Variants in TAFA1 observed in about 807,000 individuals in gnomAD.
The protein encoded by TAFA1 is TAFA chemokine like family member 1.
TAFA1 carries 4 observed loss-of-function variants against 18.5 expected under a neutral mutation model. The observed-to-expected ratio is 0.22, with a 90% CI of 0.11 to 0.49. The LOEUF is 0.49. TAFA1 is among the 20% of genes least tolerant of loss of function. The pLI, the probability that TAFA1 is intolerant of heterozygous loss-of-function variation, is 0.98. For synonymous variants in TAFA1, 56 were observed against 55.2 expected (o/e 1.01, Z -0.06); for missense variants, 147 against 169.0 (o/e 0.87, Z 0.72).
At chr3:68,068,719 T>G (rs1044929236) in intron 2 of TAFA1, among the ~76,000 whole-genome samples, 2 of 152,212 alleles carry the variant, frequency 1.3e-5, no homozygotes, top group Non-Finnish European at 2.9e-5. Context: ...GTAGCGTGGT[T>G]TGTCATCTCT....
chr3:68,264,741 T>TAAAGAAATTTATATTCTATAA (rs2067510080), intron 2 of TAFA1, among the ~76,000 whole-genome samples: 5 of 151,846 alleles, frequency 3.3e-5, no homozygotes, highest in African/African-American at 1.2e-4. Flanking sequence ...ATATTCTATA[T>TAAAGAAATTTATATTCTATAA]AATTTCTATA....
chr3:68,010,264 C>A (rs552078757), intron 2 of TAFA1, among the ~76,000 whole-genome samples: 1 of 152,260 alleles, frequency 6.6e-6, no homozygotes, highest in Admixed American at 6.5e-5. Context: ...TTTGGCTGTT[C>A]CTTGCATGGT....
At chr3:68,235,617 G>A (rs1179887794) in intron 2 of TAFA1, among the ~76,000 whole-genome samples, 7 of 152,016 alleles carry the variant, frequency 4.6e-5, no homozygotes, top group Admixed American at 2.6e-4. Context: ...CTCTGGAGGA[G>A]TCATTATGAT....
chr3:68,523,984 T>A (rs942453985), intron 3 of TAFA1, among the ~76,000 whole-genome samples: 6 of 152,244 alleles, frequency 3.9e-5, no homozygotes, highest in Non-Finnish European at 8.8e-5. Flanking sequence ...TGTATTCATC[T>A]TAAAAAGATA....
chr3:68,474,672 C>T (rs547899567), intron 3 of TAFA1, among the ~76,000 whole-genome samples: 22 of 152,186 alleles, frequency 1.4e-4, no homozygotes, highest in Non-Finnish European at 2.6e-4. Flanking sequence ...AATTATCTCT[C>T]TAACTATATT....
At chr3:68,315,352 C>T (rs1427622971) in intron 2 of TAFA1, among the ~76,000 whole-genome samples, 2 of 152,150 alleles carry the variant, frequency 1.3e-5, no homozygotes, top group Non-Finnish European at 2.9e-5. Flanking sequence ...CATGTCCTCT[C>T]AGCTTGCTTT....
intron 2 of TAFA1, among the ~76,000 whole-genome samples, chr3:68,332,262 A>G (rs983030254): frequency 5.3e-5 from 8 of 152,146 alleles, no homozygotes; most frequent in African/African-American, 1.2e-4. Context: ...ATAGAAATCA[A>G]TTCCAAATGG....
intron 2 of TAFA1, among the ~76,000 whole-genome samples, chr3:68,049,687 G>A (rs932992635): frequency 2.0e-5 from 3 of 151,856 alleles, no homozygotes; most frequent in African/African-American, 7.3e-5. Context: ...TTCTACGACT[G>A]GAGAGAGGAA....
At chr3:68,081,832 G>T (rs1056388461) in intron 2 of TAFA1, among the ~76,000 whole-genome samples, 2 of 152,230 alleles carry the variant, frequency 1.3e-5, no homozygotes, top group African/African-American at 4.8e-5. Flanking sequence ...GAGCTGTGGT[G>T]GGCTCCACCC....
intron 2 of TAFA1, among the ~76,000 whole-genome samples, chr3:68,180,418 C>T (rs1023212598): frequency 6.6e-6 from 1 of 152,040 alleles, no homozygotes; most frequent in Non-Finnish European, 1.5e-5. Flanking sequence ...AGCTAGATAG[C>T]TAGTAACAAG....
intron 3 of TAFA1, among the ~76,000 whole-genome samples, chr3:68,479,104 G>T (rs1396144924): frequency 6.7e-6 from 1 of 149,940 alleles, no homozygotes; most frequent in Non-Finnish European, 1.5e-5. Flanking sequence ...GGTGACGCGC[G>T]CCTGTAGTCC....
intron 1 of TAFA1, among the ~76,000 whole-genome samples, chr3:68,006,006 T>C (rs997168113): frequency 1.3e-5 from 2 of 152,228 alleles, no homozygotes; most frequent in African/African-American, 4.8e-5. Context: ...AATTATGGCT[T>C]GCTCTAGGAT....
At chr3:68,346,232 C>T (rs1485673318) in intron 2 of TAFA1, among the ~76,000 whole-genome samples, 1 of 152,148 alleles carries the variant, frequency 6.6e-6, no homozygotes, top group Non-Finnish European at 1.5e-5. Flanking sequence ...TCATGGCTCA[C>T]TGCAGCCTCA....
At chr3:68,270,581 C>G (rs1300572718) in intron 2 of TAFA1, among the ~76,000 whole-genome samples, 1 of 152,052 alleles carries the variant, frequency 6.6e-6, no homozygotes, top group Non-Finnish European at 1.5e-5. Context: ...TGAAAAGGAC[C>G]AGGTTATCTG....
chr3:68,326,754 A>G (rs901369337), intron 2 of TAFA1, among the ~76,000 whole-genome samples: 4 of 152,242 alleles, frequency 2.6e-5, no homozygotes, highest in African/African-American at 9.6e-5. Context: ...TCTCAATATT[A>G]TCTCATTTCA....
chr3:67,996,068 G>A, the TAFA1 span, among the ~76,000 whole-genome samples: 1 of 152,194 alleles, frequency 6.6e-6, no homozygotes, highest in Admixed American at 6.5e-5. Flanking sequence ...CACATTAAAG[G>A]CCTTAAATCT....
intron 2 of TAFA1, among the ~76,000 whole-genome samples, chr3:68,229,080 C>T (rs1370247043): frequency 6.6e-6 from 1 of 152,176 alleles, no homozygotes; most frequent in Non-Finnish European, 1.5e-5. Flanking sequence ...AAACAGGAGG[C>T]TTCACTTTCA....
rs1418594190 is a variant in TAFA1, at chr3:68,305,424, T to A, written c.119-111856T>A. 3.5e-4 allele frequency among the ~76,000 whole-genome samples: 31 copies of A among 88,286 alleles called. 2 individuals are homozygous for A. Among genetic ancestry groups the A allele is most frequent in the Middle Eastern group, 8.7e-3 (2 of 230 alleles). The allele number at this position is 88,286 out of a possible 152,430, so 57.9% of individuals were successfully genotyped here. A position where few individuals can be genotyped will look rare whatever the true frequency, so the allele number is the denominator to read the frequency against. ...GACTATATGACTATATATATATATA[T>A]ATATATATATATATATATATATATA... On this transcript the variant is annotated intron_variant, in intron 2 of 4. Coordinates refer to ENST00000478136, the MANE Select transcript of TAFA1 (RefSeq NM_213609.4).
intron 2 of TAFA1, among the ~76,000 whole-genome samples, chr3:68,248,722 T>TGGTGGGC (rs2067132998): frequency 4.7e-4 from 1 of 2,130 alleles, no homozygotes; most frequent in Non-Finnish European, 1.1e-3. Context: ...GCGGGGTGGG[T>TGGTGGGC]GGTGGGCGGG....
Sources: gnomAD v4.1 joint callset for allele counts (sites outside exome capture counted in the v4.1 genomes callset) on GRCh38, gnomAD v4.1.1 for gene constraint, MANE v1.5 for transcripts, NCBI Gene and HGNC (gene_info 2026-07-23, HGNC 2026-07-21) for gene names.